Variants in MAML2 observed in about 807,000 individuals in gnomAD.
MAML2 encodes mastermind-like protein 2.
MAML2 carries 22 observed loss-of-function variants against 96.1 expected under a neutral mutation model. The ratio of observed to expected loss-of-function variants is 0.23; its 90% CI spans 0.16 to 0.33. MAML2 has a LOEUF of 0.33. Among genes scored for constraint, MAML2 ranks in the 10% least tolerant of loss-of-function variants. MAML2 has a pLI of 1.00. For missense variants in MAML2, 1,367 were observed against 1,392.4 expected, an observed-to-expected ratio of 0.98 and a Z score of 0.29; for synonymous variants, 561 against 521.3, an observed-to-expected ratio of 1.08 and a Z score of -1.04.
chr11:96,173,575 G>T (rs1861334632), intron 1 of MAML2, among the ~76,000 whole-genome samples: 2 of 152,224 alleles, frequency 1.3e-5, no homozygotes, highest in East Asian at 3.9e-4. Context: ...GGAGGGTACA[G>T]GAAGAAGTAT....
At chr11:96,107,521 A>G (rs987462356) in intron 1 of MAML2, among the ~76,000 whole-genome samples, 1 of 152,250 alleles carries the variant, frequency 6.6e-6, no homozygotes, top group Non-Finnish European at 1.5e-5. Context: ...GGGTCCTGGC[A>G]TACAGTTACT....
chr11:96,177,260 G>C (rs1861401119), intron 1 of MAML2, among the ~76,000 whole-genome samples: 1 of 152,140 alleles, frequency 6.6e-6, no homozygotes, highest in Non-Finnish European at 1.5e-5. Context: ...ATCATTACCT[G>C]TATCATGTTA....
intron 1 of MAML2, among the ~76,000 whole-genome samples, chr11:96,099,903 G>A (rs775962765): frequency 1.3e-5 from 2 of 151,612 alleles, no homozygotes; most frequent in Non-Finnish European, 2.9e-5. Flanking sequence ...GCCTCCCAAA[G>A]GTTATAGAGA....
At chr11:96,201,408 G>A (rs1325243809) in intron 1 of MAML2, among the ~76,000 whole-genome samples, 1 of 152,156 alleles carries the variant, frequency 6.6e-6, no homozygotes, top group Admixed American at 6.5e-5. Context: ...TGCTTTAGAA[G>A]TCTATTTAGA....
chr11:96,013,924 A>G (rs1322696274), intron 2 of MAML2, among the ~76,000 whole-genome samples: 1 of 152,208 alleles, frequency 6.6e-6, no homozygotes, highest in African/African-American at 2.4e-5. Flanking sequence ...TGTCCTTGTG[A>G]TAAGGAAGGG....
intron 2 of MAML2, among the ~76,000 whole-genome samples, chr11:96,084,053 C>G (rs1859568844): frequency 6.6e-6 from 1 of 152,004 alleles, no homozygotes; most frequent in Admixed American, 6.6e-5. Flanking sequence ...ATTTGAAGAC[C>G]TGGGGGTGAG....
chr11:96,124,888 G>C (rs1382660428), intron 1 of MAML2, among the ~76,000 whole-genome samples: 1 of 152,212 alleles, frequency 6.6e-6, no homozygotes, highest in Non-Finnish European at 1.5e-5. Context: ...CTCAGATGCA[G>C]CTTTCTCAAG....
intron 1 of MAML2, among the ~76,000 whole-genome samples, chr11:96,209,465 C>T (rs918765042): frequency 3.3e-5 from 5 of 151,992 alleles, no homozygotes; most frequent in African/African-American, 9.7e-5. Flanking sequence ...TGGTAAAAAC[C>T]TGTCTCTACT....
chr11:96,110,092 A>T (rs1449186541), intron 1 of MAML2, among the ~76,000 whole-genome samples: 1 of 152,152 alleles, frequency 6.6e-6, no homozygotes, highest in Non-Finnish European at 1.5e-5. Flanking sequence ...TACAGAGGTC[A>T]CCTGCGATAG....
chr11:96,058,821 TC>T (rs1859109047), intron 2 of MAML2, among the ~76,000 whole-genome samples: 1 of 152,218 alleles, frequency 6.6e-6, no homozygotes, highest in Admixed American at 6.5e-5. Context: ...GCCAAGCCCT[TC>T]TCTATAATAG....
chr11:96,176,602 C>A (rs1861391851), intron 1 of MAML2, among the ~76,000 whole-genome samples: 1 of 151,888 alleles, frequency 6.6e-6, no homozygotes, highest in Non-Finnish European at 1.5e-5. Flanking sequence ...CTGTGAGGGG[C>A]CTATGAGAAA....
chr11:96,308,347 A>G (rs948271179), intron 1 of MAML2, among the ~76,000 whole-genome samples: 1 of 152,216 alleles, frequency 6.6e-6, no homozygotes, highest in African/African-American at 2.4e-5. Flanking sequence ...AAGCATCTCT[A>G]ACATACATAT....
chr11:96,314,194 T>A (rs757241416), intron 1 of MAML2, among the ~76,000 whole-genome samples: 1 of 152,226 alleles, frequency 6.6e-6, no homozygotes, highest in Non-Finnish European at 1.5e-5. Context: ...CCCTGGGTGA[T>A]GTGATTTAAA....
At chr11:96,245,215 CTTTTTTTT>C (rs10584752) in intron 1 of MAML2, among the ~76,000 whole-genome samples, 1 of 131,630 alleles carries the variant, frequency 7.6e-6, no homozygotes, top group Non-Finnish European at 1.6e-5. Flanking sequence ...AGTCATCCTT[CTTTTTTTT>C]TTTTTTTTTT....
intron 2 of MAML2, among the ~76,000 whole-genome samples, chr11:96,063,014 G>A (rs191894734): frequency 6.6e-6 from 1 of 152,190 alleles, no homozygotes; most frequent in East Asian, 1.9e-4. Context: ...AAACTCTTTA[G>A]TATGGCTTAT....
intron 2 of MAML2, among the ~76,000 whole-genome samples, chr11:96,048,763 A>G (rs1373973704): frequency 6.6e-6 from 1 of 152,156 alleles, no homozygotes; most frequent in African/African-American, 2.4e-5. Flanking sequence ...CCAAATGCCA[A>G]CATGTCGACA....
At chr11:95,998,845 A>G (rs1406511670) in intron 2 of MAML2, among the ~76,000 whole-genome samples, 3 of 152,190 alleles carry the variant, frequency 2.0e-5, no homozygotes, top group Admixed American at 2.0e-4. Context: ...TCTGGTTAAA[A>G]ATGCTTTCCC....
chr11:96,049,837 A>G (rs1247880711), intron 2 of MAML2, among the ~76,000 whole-genome samples: 1 of 152,192 alleles, frequency 6.6e-6, no homozygotes, highest in East Asian at 1.9e-4. Flanking sequence ...ATTAATGTGG[A>G]ATGACTTGGG....
intron 2 of MAML2, among the ~76,000 whole-genome samples, chr11:95,994,080 A>G (rs1417205552): frequency 6.6e-6 from 1 of 152,186 alleles, no homozygotes; most frequent in Non-Finnish European, 1.5e-5. Flanking sequence ...TGAGACAGGA[A>G]GCATTGAGAA....
Sources: gnomAD v4.1 joint callset for allele counts (sites outside exome capture counted in the v4.1 genomes callset) on GRCh38, gnomAD v4.1.1 for gene constraint, MANE v1.5 for transcripts, NCBI Gene and HGNC (gene_info 2026-07-23, HGNC 2026-07-21) for gene names.